PSMB7: variants seen among roughly 807,000 people sequenced by gnomAD.
The protein encoded by PSMB7 is proteasome subunit beta type-7.
A neutral mutation model predicts 28.1 loss-of-function variants in PSMB7; 5 were observed. That is an observed-to-expected ratio of 0.18 (90% CI 0.09 to 0.37). The LOEUF is 0.37. Among genes scored for constraint, PSMB7 ranks in the 10% least tolerant of loss-of-function variants. The pLI is 1.00. For synonymous variants in PSMB7, 122 were observed against 123.7 expected, an observed-to-expected ratio of 0.99 and a Z score of 0.09; for missense variants, 275 against 346.2, an observed-to-expected ratio of 0.79 and a Z score of 1.63.
intron 3 of PSMB7, among the ~76,000 whole-genome samples, chr9:124,413,217 AG>A (rs555621085): frequency 6.7e-6 from 1 of 149,822 alleles, no homozygotes; most frequent in East Asian, 2.0e-4. Context: ...GTTATATATG[AG>A]CTGGAATAAA....
intron 5 of PSMB7, among the ~76,000 whole-genome samples, chr9:124,404,998 ATATATT>A (rs1201657533): frequency 6.6e-6 from 1 of 152,180 alleles, no homozygotes; most frequent in African/African-American, 2.4e-5. Flanking sequence ...GTATATTTAT[ATATATT>A]TATAATACCT....
intron 5 of PSMB7, among the ~76,000 whole-genome samples, chr9:124,387,940 T>C (rs1830743176): frequency 6.6e-6 from 1 of 151,416 alleles, no homozygotes; most frequent in Admixed American, 6.6e-5. Flanking sequence ...TTAAAGATAA[T>C]TTCATTCAAG....
chr9:124,396,766 C>A (rs1004361830), intron 5 of PSMB7: 1 of 470,790 alleles, frequency 2.1e-6, no homozygotes, highest in African/African-American at 2.0e-5. Flanking sequence ...AATGCTGCTA[C>A]AAGGAACACT....
chr9:124,354,459 C>G (rs1830377106), intron 7 of PSMB7, among the ~76,000 whole-genome samples: 1 of 152,228 alleles, frequency 6.6e-6, no homozygotes. Flanking sequence ...ATATCTCTGT[C>G]AAACTTGCTG....
At chr9:124,354,805 G>A (rs922626903) in intron 7 of PSMB7, among the ~76,000 whole-genome samples, 8 of 152,196 alleles carry the variant, frequency 5.3e-5, no homozygotes, top group African/African-American at 9.7e-5. Context: ...AAAGTCCCAC[G>A]TGGCCTCTGT....
At position 124,365,736 on chromosome 9, in the gene PSMB7, T is replaced by A. The variant is rs534381779; in HGVS notation, c.571-8821A>T. Among the ~76,000 whole-genome samples the A allele has an allele frequency of 2.5e-4, 38 of 152,280 alleles. 1 individual carries two copies. The South Asian group carries it at 7.7e-3, about 31-fold the overall frequency. ...CTCGAGACCAGCCTGGGCAACATAGTGAGACCTTGTCTCTATAAAATAAAA... is the reference window on the plus strand; with the variant it reads ...CTCGAGACCAGCCTGGGCAACATAGAGAGACCTTGTCTCTATAAAATAAAA... On this transcript the variant is annotated intron_variant, in intron 6 of 7. Transcript: ENST00000259457.
intron 5 of PSMB7, among the ~76,000 whole-genome samples, chr9:124,390,727 G>A (rs1481933866): frequency 6.6e-6 from 1 of 151,896 alleles, no homozygotes; most frequent in Admixed American, 6.6e-5. Flanking sequence ...CAAAGTGCAG[G>A]CATTAATAGC....
intron 6 of PSMB7, among the ~76,000 whole-genome samples, chr9:124,369,115 G>A (rs1315371516): frequency 6.6e-6 from 1 of 152,198 alleles, no homozygotes; most frequent in East Asian, 1.9e-4. Flanking sequence ...GACAATGACG[G>A]CGAGAATGAC....
At chr9:124,413,824 T>C (rs1289258269) in intron 3 of PSMB7, 84 bp downstream of exon 3, 2 of 907,208 alleles carry the variant, frequency 2.2e-6, no homozygotes, top group African/African-American at 3.4e-5. Context: ...GAAAAACAGG[T>C]TTTAGTAAGG....
At chr9:124,409,641 C>A (rs1477381647) in intron 4 of PSMB7, among the ~76,000 whole-genome samples, 2 of 152,200 alleles carry the variant, frequency 1.3e-5, no homozygotes, top group Non-Finnish European at 2.9e-5. Context: ...CTGAATTTTA[C>A]GGGGCTCTAA....
chr9:124,384,715 A>G (rs1356892088), intron 5 of PSMB7, 59 bp from the exon 6 acceptor site: 1 of 1,545,350 alleles, frequency 6.5e-7, no homozygotes, highest in African/African-American at 1.4e-5. Context: ...ATCCATCTCA[A>G]GTTTACCTAG....
intron 6 of PSMB7, among the ~76,000 whole-genome samples, chr9:124,373,182 C>G (rs895785417): frequency 6.6e-6 from 1 of 152,196 alleles, no homozygotes; most frequent in African/African-American, 2.4e-5. Flanking sequence ...GGGTGATTTT[C>G]CGAATCACCC....
At chr9:124,391,832 GTGT>G (rs1180750992) in intron 5 of PSMB7, among the ~76,000 whole-genome samples, 1 of 136,888 alleles carries the variant, frequency 7.3e-6, no homozygotes, top group Non-Finnish European at 1.6e-5. Context: ...ACATTTAAAT[GTGT>G]TATTTTTCTA....
At chr9:124,394,211 T>A (rs1453421824) in intron 5 of PSMB7, among the ~76,000 whole-genome samples, 2 of 152,198 alleles carry the variant, frequency 1.3e-5, no homozygotes, top group African/African-American at 4.8e-5. Context: ...GCAGCATGGG[T>A]ACATGAACTC....
At chr9:124,385,923 G>C (rs1410375935) in intron 5 of PSMB7, among the ~76,000 whole-genome samples, 2 of 152,130 alleles carry the variant, frequency 1.3e-5, no homozygotes, top group Non-Finnish European at 2.9e-5. Flanking sequence ...CAGATTTACA[G>C]ACACAAATCA....
intron 5 of PSMB7, among the ~76,000 whole-genome samples, chr9:124,385,741 G>A (rs1830712216): frequency 6.6e-6 from 1 of 152,196 alleles, no homozygotes; most frequent in South Asian, 2.1e-4. Context: ...AAGGAAAAAG[G>A]CAGCGATTAA....
chr9:124,374,677 T>A (rs1830591849), intron 6 of PSMB7, among the ~76,000 whole-genome samples: 1 of 152,102 alleles, frequency 6.6e-6, no homozygotes, highest in South Asian at 2.1e-4. Flanking sequence ...TTTTTTTAAT[T>A]AGCTGAGCAC....
Position 124,404,462 on chromosome 9 carries a change from G to C in PSMB7, c.511+855C>G, listed in dbSNP as rs528436099. On this transcript the variant is annotated intron_variant, in intron 5 of 7. Transcript: ENST00000259457. ...GAGTAGCCCTTATCCAAAATGCCAG[G>C]GACCAGAAGTGTTTCAGATTTCAGG... Among the ~76,000 whole-genome samples the C allele has an allele frequency of 2.8e-4, 43 of 152,072 alleles. 1 individual carries two copies. The South Asian group carries it at 8.5e-3, about 30-fold the overall frequency.
intron 6 of PSMB7, among the ~76,000 whole-genome samples, chr9:124,365,728 C>T (rs1040971853): frequency 6.6e-6 from 1 of 152,178 alleles, no homozygotes; most frequent in Admixed American, 6.5e-5. Context: ...CCAGCCTGGG[C>T]AACATAGTGA....
Sources: allele counts gnomAD v4.1 joint callset (sites outside exome capture counted in the v4.1 genomes callset), GRCh38; gene constraint gnomAD v4.1.1; transcripts MANE v1.5; gene names NCBI Gene and HGNC (gene_info 2026-07-23, HGNC 2026-07-21).